UVSSA: variants seen among roughly 807,000 people sequenced by gnomAD.
UVSSA encodes the protein UV-stimulated scaffold protein A.
A neutral mutation model predicts 73.9 loss-of-function variants in UVSSA; 72 were observed. That is an observed-to-expected ratio of 0.97 (90% CI 0.81 to 1.19). The LOEUF (loss-of-function observed/expected upper bound fraction) is 1.19. Ranked by LOEUF, UVSSA falls within the 50% of genes most tolerant of loss-of-function variation. The pLI, the probability that UVSSA is intolerant of heterozygous loss-of-function variation, is 0.00. For synonymous variants in UVSSA, 454 were observed against 391.3 expected (o/e 1.16, Z -1.89); for missense variants, 1,150 against 965.0 (o/e 1.19, Z -2.54).
chr4:1,367,937 G>A (rs1457381264), intron 8 of UVSSA, among the ~76,000 whole-genome samples: 3 of 152,230 alleles, frequency 2.0e-5, no homozygotes, highest in African/African-American at 4.8e-5. Flanking sequence ...GCGTCCCCAC[G>A]CCTGACATGA....
intron 10 of UVSSA, among the ~76,000 whole-genome samples, chr4:1,379,362 G>A (rs1167810380): frequency 6.6e-6 from 1 of 152,218 alleles, no homozygotes; most frequent in African/African-American, 2.4e-5. Flanking sequence ...AGGGGGTGGA[G>A]TCCTCTGAGG....
intron 7 of UVSSA, among the ~76,000 whole-genome samples, chr4:1,358,838 A>G (rs745472813): frequency 3.3e-5 from 5 of 152,262 alleles, no homozygotes; most frequent in Non-Finnish European, 7.3e-5. Flanking sequence ...CCGTGTGTAG[A>G]ACAGGGCACG....
At chr4:1,349,886 T>C (rs367917115) in intron 3 of UVSSA, 32 bp downstream of exon 3, 3 of 1,493,066 alleles carry the variant, frequency 2.0e-6, no homozygotes, top group African/African-American at 2.8e-5. Context: ...TTTCAGAGAC[T>C]GGTTACCTGA....
At chr4:1,352,614 G>A (rs1231721138) in intron 4 of UVSSA, among the ~76,000 whole-genome samples, 2 of 152,228 alleles carry the variant, frequency 1.3e-5, no homozygotes, top group African/African-American at 4.8e-5. Flanking sequence ...AGATTGCCTT[G>A]CAGGCCCAGC....
chr4:1,395,389 C>T lies in UVSSA; in HGVS notation c.*9428C>T, dbSNP rs370047179. On this transcript the variant is annotated 3_prime_UTR_variant, in exon 14 of 14. Transcript: ENST00000511216. ...CCGATGTGGAGTGCCCGCCTGCTCA[C>T]ACGTGCCCATGTGGAGTGCCCGCCT... is the stretch of plus-strand genomic sequence containing the variant. The T allele has an allele frequency of 8.1e-5, 128 of 1,581,934 alleles. 1 individual carries two copies. The highest frequency in any genetic ancestry group is 1.1e-4 in the Non-Finnish European group (124 of 1,166,912).
upstream of UVSSA, among the ~76,000 whole-genome samples, chr4:1,343,787 CA>C (rs531287406): frequency 1.2e-4 from 17 of 143,968 alleles, no homozygotes; most frequent in East Asian, 2.0e-4. Flanking sequence ...AACTCCGTCT[CA>C]AAAAAAAAAA....
At chr4:1,379,423 C>T (rs1719169333) in intron 10 of UVSSA, among the ~76,000 whole-genome samples, 1 of 152,238 alleles carries the variant, frequency 6.6e-6, no homozygotes, top group South Asian at 2.1e-4. Flanking sequence ...ATGGCATCCG[C>T]CGGAAAGCGT....
chr4:1,380,720 C>T (rs1317695313), intron 11 of UVSSA, 160 bp from the exon 12 acceptor site: 3 of 1,547,866 alleles, frequency 1.9e-6, no homozygotes, highest in South Asian at 1.2e-5. Flanking sequence ...TCTCAGGACG[C>T]CCTCCTCTGA....
chr4:1,367,155 G>C (rs1210256282), intron 8 of UVSSA, among the ~76,000 whole-genome samples: 1 of 152,214 alleles, frequency 6.6e-6, no homozygotes, highest in African/African-American at 2.4e-5. Flanking sequence ...GAGCACTCGG[G>C]AGGTGCCGAA....
rs184528934 is a variant in UVSSA, at chr4:1,381,963, G to A, written c.1861+975G>A. 2.4e-4 allele frequency among the ~76,000 whole-genome samples: 36 copies of A among 152,294 alleles called. 1 individual carries two copies. The highest frequency in any genetic ancestry group is 9.2e-4 in the Admixed American group (14 of 15,294). On this transcript the variant is annotated intron_variant, in intron 12 of 13. Coordinates refer to ENST00000389851, the MANE Select transcript of UVSSA (RefSeq NM_020894.4). Reference sequence around the variant, plus strand: ...CAGATGTGAGTCCCCGCCCGGCCTCGGTCCCTTCTGGAGAGTGGCCACACC... The same window carrying A: ...CAGATGTGAGTCCCCGCCCGGCCTCAGTCCCTTCTGGAGAGTGGCCACACC...
In UVSSA at chr4:1,353,240, G is replaced by A. The variant is rs781027522; in HGVS notation, c.761G>A (p.Ser254Asn). The A allele has an allele frequency of 1.7e-5, 27 of 1,611,674 alleles. No homozygotes were observed. The highest frequency in any genetic ancestry group is 4.0e-5 in the African/African-American group (3 of 74,946). The change falls in exon 5 of 14, where the codon AGT becomes AAT. Residue 254 changes from serine (S) to asparagine (N), a missense_variant. Physicochemically the swap from Ser to Asn is conservative, Grantham distance 46. Transcript: ENST00000389851. The stretch of plus-strand genomic sequence containing the variant: ...CGGGACGGGGAGCAGCCCTGCTGCA[G>A]TAGAGACCTGCCTGCCTCTGCAGGC... Reference protein sequence around the residue: ...DPRDGEQPCCSRDLPASAGHP... With the variant: ...DPRDGEQPCCNRDLPASAGHP...
chr4:1,353,582 G>C (rs1281495728), intron 5 of UVSSA, among the ~76,000 whole-genome samples, 169 bp downstream of exon 5: 1 of 152,194 alleles, frequency 6.6e-6, no homozygotes, highest in African/African-American at 2.4e-5. Flanking sequence ...TCTGCACTGG[G>C]CTCCCCCCAC....
chr4:1,346,875 T>C (rs188657131), upstream of UVSSA, among the ~76,000 whole-genome samples: 1,505 of 152,270 alleles, frequency 9.9e-3, 18 homozygotes, highest in Middle Eastern at 0.02. Context: ...CGCCTCTTTT[T>C]TCTCGTGCGT....
In UVSSA at chr4:1,366,442, G is replaced by C; in HGVS notation, c.1288+11G>C. The C allele has an allele frequency of 5.7e-6, 9 of 1,592,544 alleles. No homozygotes were observed. The highest frequency in any genetic ancestry group is 7.7e-6 in the Non-Finnish European group (9 of 1,168,610). ...TGCGGCCTGAGTATGGTGAGCAGTG[G>C]GTCCCGTGGGGGGGGCACCTGGGTG... On this transcript the variant is annotated intron_variant, in intron 8 of 13. Transcript: ENST00000389851.
chr4:1,382,014 G>A (rs558768963), intron 12 of UVSSA, among the ~76,000 whole-genome samples: 38 of 152,296 alleles, frequency 2.5e-4, no homozygotes, highest in African/African-American at 5.8e-4. Flanking sequence ...GGCCCGAAGT[G>A]GGGGTTCACA....
exon 14 of UVSSA, chr4:1,394,523 C>T (rs991449880): frequency 1.9e-6 from 3 of 1,573,692 alleles, no homozygotes; most frequent in African/African-American, 2.9e-5. Context: ...TGCATGAGCC[C>T]TCGCTTTGTG....
chr4:1,344,634 T>A (rs13145722), upstream of UVSSA, among the ~76,000 whole-genome samples: 43,884 of 152,152 alleles, frequency 0.29, 7,454 homozygotes, highest in Non-Finnish European at 0.39. Context: ...CAACAAATAT[T>A]GAGCACCTGC....
upstream of UVSSA, among the ~76,000 whole-genome samples, chr4:1,344,625 A>C (rs747313093): frequency 3.9e-5 from 6 of 152,212 alleles, no homozygotes; most frequent in South Asian, 2.1e-4. Context: ...TCCAGCATTC[A>C]ACAAATATTG....
At position 1,355,123 on chromosome 4, in the gene UVSSA, A is replaced by G; in HGVS notation, c.1054A>G (p.Thr352Ala). 1.2e-6 allele frequency: 2 copies of G among 1,613,462 alleles called. No homozygotes were observed. Among genetic ancestry groups the G allele is most frequent in the Non-Finnish European group, 1.7e-6 (2 of 1,179,826 alleles). ...PAVCSWIQRF[T>A]RVGTHGGCLK... is the part of the protein sequence containing the mutation. ...TCGCACCCCCGTTTCGCAGCGCTTC[A>G]CCCGCGTCGGGACCCACGGTGGATG... The change falls in exon 7 of 14, where the codon ACC becomes GCC. Residue 352 changes from threonine to alanine, a missense_variant. By Grantham distance (58) the Thr-to-Ala change is moderately conservative. Transcript: ENST00000389851.
Sources: allele counts gnomAD v4.1 joint callset (sites outside exome capture counted in the v4.1 genomes callset), GRCh38; gene constraint gnomAD v4.1.1; transcripts MANE v1.5; gene names NCBI Gene and HGNC (gene_info 2026-07-23, HGNC 2026-07-21).